Variants in MTHFSD observed in about 807,000 individuals in gnomAD.
MTHFSD encodes the protein methenyltetrahydrofolate synthetase domain containing, also known as methenyltetrahydrofolate synthase domain-containing protein.
MTHFSD carries 37 observed loss-of-function variants against 31.1 expected under a neutral mutation model. That is an observed-to-expected ratio of 1.19 (90% CI 0.91 to 1.56). The LOEUF is 1.56. Ranked by LOEUF, MTHFSD falls within the 40% of genes most tolerant of loss-of-function variation. MTHFSD has a pLI of 0.00. For synonymous variants in MTHFSD, 221 were observed against 206.9 expected (o/e 1.07, Z -0.59); for missense variants, 664 against 510.1 (o/e 1.30, Z -2.91).
At chr16:86,534,841 G>C (rs1970458819) in intron 7 of MTHFSD, among the ~76,000 whole-genome samples, 1 of 150,658 alleles carries the variant, frequency 6.6e-6, no homozygotes, top group Non-Finnish European at 1.5e-5. Context: ...AGGGGTAGGG[G>C]TTTGGGGGCA....
At chr16:86,535,205 A>AAG in intron 7 of MTHFSD, 5 of 984,210 alleles carry the variant, frequency 5.1e-6, no homozygotes, top group Non-Finnish European at 6.0e-6. Flanking sequence ...TGGCATCCGC[A>AAG]GGGGCCGTTA....
chr16:86,543,511 C>T (rs995682691), intron 5 of MTHFSD, among the ~76,000 whole-genome samples: 18 of 152,312 alleles, frequency 1.2e-4, no homozygotes, highest in African/African-American at 3.1e-4. Flanking sequence ...ATGCATCCAT[C>T]GGCGGGGGTG....
intron 7 of MTHFSD, among the ~76,000 whole-genome samples, chr16:86,539,280 GAGACACGTGC>G (rs1381847324): frequency 6.6e-6 from 1 of 152,218 alleles, no homozygotes; most frequent in Non-Finnish European, 1.5e-5. Flanking sequence ...TGGCCATAGG[GAGACACGTGC>G]AGGACCCCAT....
intron 7 of MTHFSD, among the ~76,000 whole-genome samples, chr16:86,534,467 C>T (rs1970403912): frequency 6.6e-6 from 1 of 152,184 alleles, no homozygotes; most frequent in East Asian, 1.9e-4. Context: ...CATAGGGAAG[C>T]TTGAGGTGCT....
chr16:86,553,932 T>G (rs1447643525), intron 2 of MTHFSD, among the ~76,000 whole-genome samples: 1 of 152,202 alleles, frequency 6.6e-6, no homozygotes, highest in African/African-American at 2.4e-5. Context: ...GCACTCTGTA[T>G]GTAGCTAATC....
chr16:86,549,665 G>C (rs1049235851), intron 3 of MTHFSD, among the ~76,000 whole-genome samples: 2 of 152,224 alleles, frequency 1.3e-5, no homozygotes, highest in African/African-American at 4.8e-5. Flanking sequence ...TCACCAGCAA[G>C]CTTTAAGAAT....
Position 86,547,391 on chromosome 16 carries a change from A to T in MTHFSD, c.352-742T>A, listed in dbSNP as rs7190146. ...GTATCCAGCAGTAACTGATCATTCG[A>T]TGTGGCGGTGGGATCTGCCTGCAGT... On this transcript the variant is annotated intron_variant, in intron 4 of 7. Coordinates refer to ENST00000360900, the MANE Select transcript of MTHFSD (RefSeq NM_001159377.2). 5,903 of 985,708 alleles carry T rather than the reference A, an allele frequency of 6.0e-3. 279 individuals are homozygous for T. The African/African-American group carries it at 0.095, about 16-fold the overall frequency. The allele number at this position is 985,708 out of a possible 1,614,324, so 61.1% of individuals were successfully genotyped here. A position where few individuals can be genotyped will look rare whatever the true frequency, so the allele number is the denominator to read the frequency against.
Position 86,531,900 on chromosome 16 carries a change from G to A in MTHFSD, c.*111C>T, listed in dbSNP as rs931680240. On this transcript the variant is annotated 3_prime_UTR_variant, in exon 8 of 8. Coordinates refer to ENST00000360900, the MANE Select transcript of MTHFSD (RefSeq NM_001159377.2). This position sits in a 1 kb window ranked among gnomAD's most constrained non-coding sequence, Gnocchi z 5.5. ...AAGAATTGAGACCCGAGCAGCTCAG[G>A]CGGTGGCTCCGACACGTCTTGCCAC... The A allele has an allele frequency of 3.7e-5, 25 of 671,458 alleles. No individual in the cohort carries two copies. In the African/African-American group the frequency reaches 4.5e-4, roughly 12 times the overall value. The allele number at this position is 671,458 out of a possible 1,614,324, so 41.6% of individuals were successfully genotyped here. A position where few individuals can be genotyped will look rare whatever the true frequency, so the allele number is the denominator to read the frequency against.
rs527263374 is a variant in MTHFSD, at chr16:86,540,965, T to G, written c.681+732A>C. Reference sequence around the variant, plus strand: ...CTGTGTTCATCCTTAGAGGTGATGTTGTTAATTTTCCATGCCCAAAGGAGG... The same window carrying G: ...CTGTGTTCATCCTTAGAGGTGATGTGGTTAATTTTCCATGCCCAAAGGAGG... On this transcript the variant is annotated intron_variant, in intron 7 of 7. Transcript: ENST00000360900. 9.4e-6 allele frequency: 11 copies of G among 1,170,234 alleles called. No homozygotes were observed. The African/African-American group carries it at 1.4e-4, about 15-fold the overall frequency. 72.5% of individuals were successfully genotyped at this position (1,170,234 alleles called of 1,614,324 possible).
Position 86,531,894 on chromosome 16 carries a change from G to T in MTHFSD, c.*117C>A. On this transcript the variant is annotated 3_prime_UTR_variant, in exon 8 of 8. Transcript: ENST00000360900. The surrounding 1 kb of genome is among the most constrained non-coding windows in gnomAD (Gnocchi z 5.5). ...TCTGAGAAGAATTGAGACCCGAGCA[G>T]CTCAGGCGGTGGCTCCGACACGTCT... The T allele has an allele frequency of 1.6e-6, 1 of 640,054 alleles. No homozygotes were observed. The highest frequency in any genetic ancestry group is 2.4e-6 in the Non-Finnish European group (1 of 411,264). The allele number at this position is 640,054 out of a possible 1,614,324, so 39.6% of individuals were successfully genotyped here. A position where few individuals can be genotyped will look rare whatever the true frequency, so the allele number is the denominator to read the frequency against.
In MTHFSD at chr16:86,530,633, G is replaced by T. The variant is rs1484013741; in HGVS notation, c.*1378C>A. 2 of 151,046 alleles carry T rather than the reference G, an allele frequency of 1.3e-5. No homozygotes were observed. Among genetic ancestry groups the T allele is most frequent in the African/African-American group, 2.5e-5 (1 of 40,558 alleles). 9.4% of individuals were successfully genotyped at this position (151,046 alleles called of 1,614,324 possible). A position where few individuals can be genotyped will look rare whatever the true frequency, so the allele number is the denominator to read the frequency against. Reference sequence around the variant, plus strand: ...AAGGTAAACAAAAAAAAAAAAATAAGAATCTTTCAGAAAAAGAAGTATTTT... The same window carrying T: ...AAGGTAAACAAAAAAAAAAAAATAATAATCTTTCAGAAAAAGAAGTATTTT... On this transcript the variant is annotated 3_prime_UTR_variant, in exon 8 of 8. Coordinates refer to ENST00000360900, the MANE Select transcript of MTHFSD (RefSeq NM_001159377.2).
In MTHFSD at chr16:86,552,043, A is replaced by G; in HGVS notation, c.227T>C (p.Leu76Pro). Residue 76 changes from leucine (L) to proline (P), a missense_variant, in exon 3 of 8, where the codon CTG (leucine) becomes CCG (proline). Coordinates refer to ENST00000360900, the MANE Select transcript of MTHFSD (RefSeq NM_001159377.2). ...GGGAAGTGGAATTACCTGCAGCACC[A>G]GCAGCCGAACGCCTTCCAGTGGTTT... is the stretch of plus-strand genomic sequence containing the variant. ...PDKPLEGVRL[L>P]VLQSKKTLLV... 1.2e-6 allele frequency: 2 copies of G among 1,614,224 alleles called. No individual in the cohort carries two copies. Among genetic ancestry groups the G allele is most frequent in the Non-Finnish European group, 1.7e-6 (2 of 1,180,048 alleles).
Position 86,542,500 on chromosome 16 carries a change from A to C in MTHFSD, c.443-287T>G. The C allele has an allele frequency of 2.9e-6, 1 of 343,026 alleles. No individual in the cohort carries two copies. Among genetic ancestry groups the C allele is most frequent in the Non-Finnish European group, 5.3e-6 (1 of 188,796 alleles). 21.2% of individuals were successfully genotyped at this position (343,026 alleles called of 1,614,324 possible). On this transcript the variant is annotated intron_variant, in intron 5 of 7. Coordinates refer to ENST00000360900, the MANE Select transcript of MTHFSD (RefSeq NM_001159377.2). The surrounding 1 kb of genome is among the most constrained non-coding windows in gnomAD (Gnocchi z 4.6). The stretch of plus-strand genomic sequence containing the variant: ...TCACAAAGGGAAACAGATCACACTC[A>C]TGTCAGCTTTATGTTAGCAAGACTC...
chr16:86,534,443 A>C (rs779020232), intron 7 of MTHFSD, among the ~76,000 whole-genome samples: 40 of 152,332 alleles, frequency 2.6e-4, no homozygotes, highest in South Asian at 2.1e-3. Context: ...TCGCCTGAGA[A>C]TGCTTGCTTC....
Position 86,539,040 on chromosome 16 carries a change from A to G in MTHFSD, c.681+2657T>C, listed in dbSNP as rs536218191. ...CTCTGTACCTCTCTCTCTTCCTGCC[A>G]GAAAGTTTCTGATGAGGGTGCAGAG... On this transcript the variant is annotated intron_variant, in intron 7 of 7. Coordinates refer to ENST00000360900, the MANE Select transcript of MTHFSD (RefSeq NM_001159377.2). Among the ~76,000 whole-genome samples, 4 of 152,316 alleles carry G rather than the reference A, an allele frequency of 2.6e-5. No individual in the cohort carries two copies. In the South Asian group the frequency reaches 6.2e-4, roughly 24 times the overall value.
chr16:86,554,806 T>C, intron 1 of MTHFSD, 55 bp from the exon 2 acceptor site: 2 of 1,480,816 alleles, frequency 1.4e-6, no homozygotes, highest in East Asian at 2.3e-5. Context: ...GAGCCCATGC[T>C]GAAACCGCTT....
chr16:86,554,132 A>G (rs1043541418), intron 2 of MTHFSD, among the ~76,000 whole-genome samples: 9 of 152,154 alleles, frequency 5.9e-5, no homozygotes, highest in Non-Finnish European at 8.8e-5. Flanking sequence ...CCCCTTCCAC[A>G]TTGTGGAAGG....
chr16:86,542,149 G>C lies in MTHFSD; in HGVS notation c.507C>G (p.Gly169=), dbSNP rs374156480. The C allele has an allele frequency of 1.2e-6, 2 of 1,613,746 alleles. No homozygotes were observed. Among genetic ancestry groups the C allele is most frequent in the South Asian group, 2.2e-5 (2 of 91,082 alleles). The part of the protein sequence containing the change: ...DLEYAMMVSM[G]AVSKETPVVT... ...CCACCGGCGTCTCCTTGCTGACGGC[G>C]CCCATGGATACCATCATGGCATATT... The change falls in exon 6 of 8, where the codon GGC becomes GGG. Residue 169 remains glycine (G), a synonymous_variant. Transcript: ENST00000360900. The surrounding 1 kb of genome is among the most constrained non-coding windows in gnomAD (Gnocchi z 4.6).
At chr16:86,543,109 A>G (rs747854253) in intron 5 of MTHFSD, among the ~76,000 whole-genome samples, 4 of 152,256 alleles carry the variant, frequency 2.6e-5, no homozygotes, top group Non-Finnish European at 5.9e-5. Context: ...AGCAAAGGAT[A>G]TGAACAGTTC....
Sources: gnomAD v4.1 joint callset for allele counts (sites outside exome capture counted in the v4.1 genomes callset) on GRCh38, gnomAD v4.1.1 for gene constraint, Gnocchi (gnomAD v3.1) non-coding constraint, MANE v1.5 for transcripts, NCBI Gene and HGNC (gene_info 2026-07-23, HGNC 2026-07-21) for gene names.